SLMAP: variants seen among roughly 807,000 people sequenced by gnomAD.
SLMAP encodes the protein sarcolemmal membrane-associated protein.
In SLMAP, 44 loss-of-function variants were observed where a neutral mutation model predicts 128.8. The ratio of observed to expected loss-of-function variants is 0.34; its 90% CI spans 0.27 to 0.44. The LOEUF is 0.44. Among genes scored for constraint, SLMAP ranks in the 20% least tolerant of loss-of-function variants. The pLI, the probability that SLMAP is intolerant of heterozygous loss-of-function variation, is 1.00. For missense variants in SLMAP, 787 were observed against 985.3 expected (o/e 0.80, Z 2.69); for synonymous variants, 327 against 348.8 (o/e 0.94, Z 0.70).
At chr3:57,879,108 T>G (rs769935030) in intron 14 of SLMAP, among the ~76,000 whole-genome samples, 10 of 152,198 alleles carry the variant, frequency 6.6e-5, no homozygotes, top group Non-Finnish European at 1.2e-4. Flanking sequence ...TCCTCCCAAT[T>G]TGGCCTTTCA....
At chr3:57,777,157 A>G (rs1224320208) in intron 2 of SLMAP, among the ~76,000 whole-genome samples, 1 of 151,518 alleles carries the variant, frequency 6.6e-6, no homozygotes, top group Non-Finnish European at 1.5e-5. Context: ...CTAAATGACG[A>G]GTTAATGGGT....
chr3:57,793,558 G>A (rs1356945610), intron 2 of SLMAP, among the ~76,000 whole-genome samples: 1 of 152,202 alleles, frequency 6.6e-6, no homozygotes, highest in African/African-American at 2.4e-5. Context: ...TGAAATATTG[G>A]CAGCAAATCC....
intron 14 of SLMAP, among the ~76,000 whole-genome samples, chr3:57,885,057 G>A (rs906205111): frequency 6.6e-6 from 1 of 151,662 alleles, no homozygotes; most frequent in Middle Eastern, 3.4e-3. Context: ...ATAGGAAAAA[G>A]GTAAGAAGCA....
intron 19 of SLMAP, among the ~76,000 whole-genome samples, chr3:57,911,434 C>T (rs908117272): frequency 6.6e-6 from 1 of 151,980 alleles, no homozygotes; most frequent in African/African-American, 2.4e-5. Context: ...ATATGGTAAC[C>T]AATATTAATT....
chr3:57,905,537 TC>T lies in SLMAP; in HGVS notation c.1502-2344del, dbSNP rs540374278. Reference sequence around the variant, plus strand: ...CTCAAGAGATCTGTCTGCCTTGGCTTCCCAAAGTACTGGTATTACAGGTGTG... The same window carrying T: ...CTCAAGAGATCTGTCTGCCTTGGCTTCCAAAGTACTGGTATTACAGGTGTG... On this transcript the variant is annotated intron_variant, in intron 17 of 24. Transcript: ENST00000671191. Among the ~76,000 whole-genome samples the T allele has an allele frequency of 3.1e-4, 47 of 152,286 alleles. 1 individual carries two copies. In the South Asian group the frequency reaches 9.7e-3, roughly 32 times the overall value.
intron 17 of SLMAP, among the ~76,000 whole-genome samples, chr3:57,905,556 C>T (rs754492109): frequency 1.3e-5 from 2 of 152,168 alleles, no homozygotes; most frequent in Non-Finnish European, 2.9e-5. Context: ...ACTGGTATTA[C>T]AGGTGTGAGC....
At chr3:57,862,973 A>G (rs2095156447) in intron 10 of SLMAP, among the ~76,000 whole-genome samples, 2 of 152,210 alleles carry the variant, frequency 1.3e-5, no homozygotes, top group Admixed American at 1.3e-4. Context: ...GTGCTTCACA[A>G]TAGACATTTC....
chr3:57,900,420 A>G (rs1020235129), intron 17 of SLMAP: 4 of 152,158 alleles, frequency 2.6e-5, no homozygotes, highest in African/African-American at 9.7e-5. Context: ...ACCATCTCCC[A>G]TAAAACGTTT....
intron 2 of SLMAP, among the ~76,000 whole-genome samples, chr3:57,830,935 C>T (rs1266459432): frequency 6.6e-6 from 1 of 152,154 alleles, no homozygotes; most frequent in East Asian, 1.9e-4. Flanking sequence ...AAATAATATT[C>T]AGTTATATGA....
At chr3:57,763,659 A>C (rs973130617) in intron 2 of SLMAP, among the ~76,000 whole-genome samples, 1 of 152,082 alleles carries the variant, frequency 6.6e-6, no homozygotes, top group African/African-American at 2.4e-5. Context: ...TGACAAACTG[A>C]TGAGGATTTG....
intron 2 of SLMAP, among the ~76,000 whole-genome samples, chr3:57,760,558 A>T: frequency 6.6e-6 from 1 of 152,170 alleles, no homozygotes; most frequent in African/African-American, 2.4e-5. Flanking sequence ...GAAAACCCAC[A>T]GTGCGACCAA....
rs377041467 is a variant in SLMAP at position 57,762,998 on chromosome 3, A to G, written c.198+5149A>G. Reference sequence around the variant, plus strand: ...CTCGGCCTCCCAAAGTGCTAGGATTACAAGTGTGAGCCACGGTGCCCAGCC... The same window carrying G: ...CTCGGCCTCCCAAAGTGCTAGGATTGCAAGTGTGAGCCACGGTGCCCAGCC... On this transcript the variant is annotated intron_variant, in intron 2 of 24. Coordinates refer to ENST00000671191, the MANE Select transcript of SLMAP (RefSeq NM_001377540.1). Among the ~76,000 whole-genome samples the G allele has an allele frequency of 2.9e-4, 44 of 152,288 alleles. No individual in the cohort carries two copies. The East Asian group carries it at 6.0e-3, about 21-fold the overall frequency.
chr3:57,791,866 TG>T (rs1328876740), intron 2 of SLMAP, among the ~76,000 whole-genome samples: 1 of 152,148 alleles, frequency 6.6e-6, no homozygotes, highest in Non-Finnish European at 1.5e-5. Context: ...TCTCAAATTT[TG>T]CTTGATATTT....
intron 2 of SLMAP, among the ~76,000 whole-genome samples, chr3:57,759,434 T>C (rs2078189315): frequency 6.6e-6 from 1 of 152,118 alleles, no homozygotes; most frequent in Non-Finnish European, 1.5e-5. Context: ...CACGCCACCA[T>C]GCCTGGTTAA....
chr3:57,851,557 C>T (rs180687192), intron 6 of SLMAP, among the ~76,000 whole-genome samples: 1 of 151,654 alleles, frequency 6.6e-6, no homozygotes, highest in Admixed American at 6.6e-5. Flanking sequence ...ATTGCAACCT[C>T]CACCTCCCGG....
chr3:57,766,347 G>C (rs929781411), intron 2 of SLMAP, among the ~76,000 whole-genome samples: 1 of 151,992 alleles, frequency 6.6e-6, no homozygotes, highest in East Asian at 1.9e-4. Flanking sequence ...TGATATTTCT[G>C]CTAGAGCTTA....
intron 2 of SLMAP, among the ~76,000 whole-genome samples, chr3:57,773,245 A>C (rs1368291812): frequency 6.6e-6 from 1 of 152,222 alleles, no homozygotes; most frequent in Non-Finnish European, 1.5e-5. Flanking sequence ...TAAATGACAG[A>C]GTTGAACCTC....
intron 4 of SLMAP, 62 bp from the exon 5 acceptor site, chr3:57,847,135 C>G (rs916911913): frequency 1.9e-6 from 2 of 1,071,490 alleles, no homozygotes; most frequent in South Asian, 1.3e-5. Context: ...TTCTGGTGCT[C>G]TCATACTCTG....
At chr3:57,821,809 C>T (rs1384284883) in intron 2 of SLMAP, among the ~76,000 whole-genome samples, 2 of 152,010 alleles carry the variant, frequency 1.3e-5, no homozygotes, top group Admixed American at 1.3e-4. Flanking sequence ...TGCCAAAGGC[C>T]CTCTCTTTAC....
Sources: allele counts gnomAD v4.1 joint callset (sites outside exome capture counted in the v4.1 genomes callset), GRCh38; gene constraint gnomAD v4.1.1; transcripts MANE v1.5; gene names NCBI Gene and HGNC (gene_info 2026-07-23, HGNC 2026-07-21).